The following STARD8 variants were observed in gnomAD, a reference collection of about 807,000 sequenced individuals.
The protein encoded by STARD8 is stAR-related lipid transfer protein 8.
In STARD8, 25 loss-of-function variants were observed where a neutral mutation model predicts 69.4. That is an observed-to-expected ratio of 0.36 (90% CI 0.26 to 0.50). The LOEUF (loss-of-function observed/expected upper bound fraction) is 0.50. Ranked by LOEUF, STARD8 falls within the 20% of genes least tolerant of loss-of-function variation. The pLI, the probability that STARD8 is intolerant of heterozygous loss-of-function variation, is 0.96. For synonymous variants in STARD8, 389 were observed against 374.6 expected (o/e 1.04, Z -0.45); for missense variants, 921 against 932.5 (o/e 0.99, Z 0.16).
At chrX:68,653,299 A>ACACACACCACAC (rs1242648241) in intron 1 of STARD8, among the ~76,000 whole-genome samples, 1 of 40,878 alleles carries the variant, frequency 2.4e-5, no homozygotes, top group Non-Finnish European at 4.3e-5. Context: ...CACACACCAC[A>ACACACACCACAC]CACACACCAC....
At chrX:68,693,634 C>G (rs749789266) in intron 2 of STARD8, 3 of 753,400 alleles carry the variant, frequency 4.0e-6, no homozygotes, top group Non-Finnish European at 4.7e-6. Flanking sequence ...GCTCCCTCCC[C>G]ACTTGAGCTG....
At chrX:68,721,145 C>T in intron 9 of STARD8, 23 bp downstream of exon 9, 2 of 1,201,951 alleles carry the variant, frequency 1.7e-6, no homozygotes, top group Non-Finnish European at 2.3e-6. Context: ...CTCCTATCCC[C>T]AACAACCTGT....
At chrX:68,649,184 T>C (rs1344391965) in intron 1 of STARD8, among the ~76,000 whole-genome samples, 1 of 111,325 alleles carries the variant, frequency 9.0e-6, no homozygotes, top group Non-Finnish European at 1.9e-5. Flanking sequence ...GAGGTCACAT[T>C]TGGGCTGAGC....
At position 68,725,125 on chromosome X, in the gene STARD8, A is replaced by G. The variant is rs1050801037; in HGVS notation, c.*703A>G. 1.8e-5 allele frequency: 2 copies of G among 111,331 alleles called. No homozygotes were observed. The highest frequency in any genetic ancestry group is 6.5e-5 in the African/African-American group (2 of 30,598). The allele number at this position is 111,331 out of a possible 1,213,427, so 9.2% of individuals were successfully genotyped here. A position where few individuals can be genotyped will look rare whatever the true frequency, so the allele number is the denominator to read the frequency against. On this transcript the variant is annotated 3_prime_UTR_variant, in exon 15 of 15. Coordinates refer to ENST00000374599, the MANE Select transcript of STARD8 (RefSeq NM_001142503.3). ...TTCCTTTCTCAAGTCTCGAGATGCC[A>G]GTGAAACCAGTATTCCCTGACTTGG...
At chrX:68,721,489 G>T (rs769185809) in intron 9 of STARD8, 47 bp from the exon 10 acceptor site, 3 of 1,181,434 alleles carry the variant, frequency 2.5e-6, no homozygotes, top group Non-Finnish European at 3.4e-6. Context: ...GGCTGCTAAG[G>T]CCTCTGGGGA....
chrX:68,679,623 G>A (rs2079788308), intron 2 of STARD8, among the ~76,000 whole-genome samples: 1 of 112,227 alleles, frequency 8.9e-6, no homozygotes, highest in African/African-American at 3.2e-5. Flanking sequence ...GATCCCCGAT[G>A]TGAGCAGCCC....
chrX:68,715,434 G>C, intron 4 of STARD8, 59 bp downstream of exon 4: 1 of 1,009,459 alleles, frequency 9.9e-7, no homozygotes, highest in Non-Finnish European at 1.3e-6. Context: ...GCTTCCTCGT[G>C]GAAAAAAACA....
intron 2 of STARD8, chrX:68,693,904 C>G: frequency 4.4e-6 from 3 of 679,401 alleles, no homozygotes; most frequent in Non-Finnish European, 5.3e-6. Flanking sequence ...CTTTGCCTCT[C>G]TGGCGCGCTC....
intron 1 of STARD8, among the ~76,000 whole-genome samples, chrX:68,653,388 C>T (rs2079585045): frequency 1.5e-5 from 1 of 64,836 alleles, no homozygotes; most frequent in Non-Finnish European, 2.9e-5. Context: ...ACCACACACA[C>T]ACACCCCACA....
At chrX:68,681,391 G>C (rs1239469053) in intron 2 of STARD8, among the ~76,000 whole-genome samples, 9 of 111,907 alleles carry the variant, frequency 8.0e-5, no homozygotes, top group African/African-American at 2.9e-4. Flanking sequence ...CCATTTTCTA[G>C]GTGAAGAAAC....
At chrX:68,681,231 T>A (rs1459379516) in intron 2 of STARD8, among the ~76,000 whole-genome samples, 1 of 111,829 alleles carries the variant, frequency 8.9e-6, no homozygotes, top group Non-Finnish European at 1.9e-5. Context: ...GGCAAAAGGC[T>A]GAGACTGGGG....
At chrX:68,694,890 G>A in intron 2 of STARD8, among the ~76,000 whole-genome samples, 1 of 110,920 alleles carries the variant, frequency 9.0e-6, no homozygotes, top group Non-Finnish European at 1.9e-5. Flanking sequence ...CAGAGCCTGG[G>A]GCCCCAGAGG....
chrX:68,724,185 C>CT, intron 14 of STARD8, 64 bp downstream of exon 14: 1 of 1,177,075 alleles, frequency 8.5e-7, no homozygotes, highest in East Asian at 3.0e-5. Flanking sequence ...GCCTCTGCCC[C>CT]TACTTTCTGC....
rs2147891664 is a variant in STARD8, at chrX:68,678,927, T to C, written c.79+13395T>C. Among the ~76,000 whole-genome samples, 2 of 112,480 alleles carry C rather than the reference T, an allele frequency of 1.8e-5. 1 individual carries two copies. Among genetic ancestry groups the C allele is most frequent in the Admixed American group, 1.9e-4 (2 of 10,710 alleles). ...ATTTTGCCCCTCATTAGTTGTGTGA[T>C]CTTGGACAGGTTGCCAAATTTCTCT... On this transcript the variant is annotated intron_variant, in intron 2 of 14. Transcript: ENST00000374599.
rs181070174 is a variant in STARD8 at position 68,698,255 on chromosome X, G to A, written c.80-14659G>A. 4.5e-3 allele frequency among the ~76,000 whole-genome samples: 504 copies of A among 111,505 alleles called. 3 individuals are homozygous for A. Among genetic ancestry groups the A allele is most frequent in the African/African-American group, 0.015 (452 of 30,665 alleles). ...AGCGGAGTGAATTGATGGGGATTTG[G>A]ATGGGCAGTGGGGTCCAGCATCAGA... is the stretch of plus-strand genomic sequence containing the variant. On this transcript the variant is annotated intron_variant, in intron 2 of 14. Coordinates refer to ENST00000374599, the MANE Select transcript of STARD8 (RefSeq NM_001142503.3).
intron 12 of STARD8, among the ~76,000 whole-genome samples, chrX:68,723,189 A>T (rs2080166727): frequency 8.9e-6 from 1 of 112,672 alleles, no homozygotes; most frequent in Admixed American, 9.3e-5. Context: ...GTGTAAAAAA[A>T]TGGTCATAAC....
Position 68,718,341 on chromosome X carries a change from C to T in STARD8, c.1427C>T (p.Pro476Leu), listed in dbSNP as rs1454063100. The change falls in exon 6 of 15, where the codon CCA becomes CTA. Residue 476 changes from proline (P) to leucine (L), a missense_variant. Pro to Leu is a moderately conservative substitution (Grantham distance 98). Transcript: ENST00000374599. ...GCTCAGGCTCCAGCTGAGGCTGAAC[C>T]AGTGGCACAGGAAGAGGCTGAGGCC... is the stretch of plus-strand genomic sequence containing the variant. The part of the protein sequence containing the change: ...APAQAPAEAE[P>L]VAQEEAEAPA... 1 of 1,209,330 alleles carries T rather than the reference C, an allele frequency of 8.3e-7. No individual in the cohort carries two copies. Among genetic ancestry groups the T allele is most frequent in the Non-Finnish European group, 1.1e-6 (1 of 894,337 alleles).
chrX:68,698,490 C>T (rs948631466), intron 2 of STARD8, among the ~76,000 whole-genome samples: 3 of 111,112 alleles, frequency 2.7e-5, no homozygotes, highest in African/African-American at 9.8e-5. Context: ...CACATGATTG[C>T]TGCTGAGAGG....
chrX:68,697,864 A>G (rs1196495959), intron 2 of STARD8, among the ~76,000 whole-genome samples: 1 of 111,459 alleles, frequency 9.0e-6, no homozygotes, highest in Non-Finnish European at 1.9e-5. Context: ...GGAGAGAAAG[A>G]CCCCAGGAAT....
Sources: allele counts gnomAD v4.1 joint callset (sites outside exome capture counted in the v4.1 genomes callset), GRCh38; gene constraint gnomAD v4.1.1; transcripts MANE v1.5; gene names NCBI Gene and HGNC (gene_info 2026-07-23, HGNC 2026-07-21).